Variants in CSGALNACT2 observed in about 807,000 individuals in gnomAD.
CSGALNACT2 encodes beta 4 GalNAcT-2.
In CSGALNACT2, 35 loss-of-function variants were observed where a neutral mutation model predicts 55.3. The ratio of observed to expected loss-of-function variants is 0.63; its 90% CI spans 0.48 to 0.84. The LOEUF is 0.84. Ranked by LOEUF, CSGALNACT2 falls within the 40% of genes least tolerant of loss-of-function variation. CSGALNACT2 has a pLI of 0.00. For synonymous variants in CSGALNACT2, 196 were observed against 224.9 expected (o/e 0.87, Z 1.15); for missense variants, 544 against 657.5 (o/e 0.83, Z 1.89).
At chr10:43,174,992 T>G (rs1839451232) in intron 6 of CSGALNACT2, among the ~76,000 whole-genome samples, 1 of 152,234 alleles carries the variant, frequency 6.6e-6, no homozygotes, top group Non-Finnish European at 1.5e-5. Flanking sequence ...TTATATTTCT[T>G]TCTCTACTTA....
intron 4 of CSGALNACT2, chr10:43,162,885 G>A: frequency 1.0e-6 from 1 of 985,326 alleles, no homozygotes; most frequent in Non-Finnish European, 1.2e-6. Context: ...CACTGCCCTA[G>A]CAGAAAAGTC....
intron 3 of CSGALNACT2, among the ~76,000 whole-genome samples, chr10:43,160,093 T>C (rs1839112482): frequency 6.6e-6 from 1 of 152,240 alleles, no homozygotes; most frequent in South Asian, 2.1e-4. Context: ...ATGGCAAATA[T>C]TTATTCCTTA....
chr10:43,143,493 A>ATGTG (rs3983257), intron 1 of CSGALNACT2, among the ~76,000 whole-genome samples: 9,963 of 141,848 alleles, frequency 0.07, 353 homozygotes, highest in East Asian at 0.1. Flanking sequence ...CTCTCCAAAA[A>ATGTG]TGTGTGTGTG....
intron 1 of CSGALNACT2, among the ~76,000 whole-genome samples, chr10:43,139,111 C>A (rs1276232469): frequency 1.3e-5 from 2 of 152,194 alleles, no homozygotes; most frequent in African/African-American, 4.8e-5. Flanking sequence ...TTTGATTATA[C>A]ATCTGAAGCT....
chr10:43,158,865 T>A lies in CSGALNACT2; in HGVS notation c.812T>A (p.Ile271Asn). The A allele has an allele frequency of 6.2e-7, 1 of 1,612,746 alleles. No homozygotes were observed. Among genetic ancestry groups the A allele is most frequent in the South Asian group, 1.1e-5 (1 of 91,066 alleles). Residue 271 changes from isoleucine to asparagine, a missense_variant, in exon 3 of 8, where the codon ATT becomes AAT. Around this residue, in one of 2 missense-constraint regions of CSGALNACT2, gnomAD observed 374 missense variants for 401.3 expected, o/e 0.93. Transcript: ENST00000374466. ...GAGATGATTGACATCACTAGATCAA[T>A]TATTAATATCATTGTGCCACTTGCT... ...KSEMIDITRS[I>N]INIIVPLAER...
At chr10:43,176,177 G>A (rs1588913706) in intron 7 of CSGALNACT2, 145 bp downstream of exon 7, 2 of 519,824 alleles carry the variant, frequency 3.8e-6, no homozygotes, top group Admixed American at 3.9e-5. Context: ...TATACAAAAG[G>A]CAAAATAAGT....
At chr10:43,155,841 T>C (rs764448693) in intron 2 of CSGALNACT2, 31 bp downstream of exon 2, 7 of 1,551,376 alleles carry the variant, frequency 4.5e-6, no homozygotes, top group Non-Finnish European at 6.2e-6. Context: ...GTCAATATTA[T>C]GTTAGTAAGA....
At chr10:43,166,388 G>C (rs2435337) in intron 5 of CSGALNACT2, among the ~76,000 whole-genome samples, 127,128 of 152,150 alleles carry the variant, frequency 0.84, 53,720 homozygotes, top group African/African-American at 0.93. Flanking sequence ...AGCAAGGGTT[G>C]CGTCTCCTGA....
intron 1 of CSGALNACT2, among the ~76,000 whole-genome samples, chr10:43,144,070 T>C (rs1400150654): frequency 1.3e-5 from 2 of 152,252 alleles, no homozygotes; most frequent in Non-Finnish European, 2.9e-5. Context: ...TGGCTTTGTT[T>C]TTGCTTTGTA....
At chr10:43,139,259 G>C (rs917051153) in intron 1 of CSGALNACT2, among the ~76,000 whole-genome samples, 1 of 152,176 alleles carries the variant, frequency 6.6e-6, no homozygotes, top group Middle Eastern at 3.2e-3. Context: ...AATTAATGTT[G>C]TTTTTTGAAT....
At chr10:43,182,874 CA>C (rs199991265) in intron 7 of CSGALNACT2, among the ~76,000 whole-genome samples, 6,485 of 64,752 alleles carry the variant, frequency 0.1, 173 homozygotes, top group South Asian at 0.18. Context: ...GACCCTGTCT[CA>C]AAAAAAAAAA....
At position 43,179,954 on chromosome 10, in the gene CSGALNACT2, T is replaced by G. The variant is rs530201919; in HGVS notation, c.1337-3296T>G. On this transcript the variant is annotated intron_variant, in intron 7 of 7. Coordinates refer to ENST00000374466, the MANE Select transcript of CSGALNACT2 (RefSeq NM_018590.5). ...CTTAGGGAAGAACTTTGGAGCACTT[T>G]GTTCTTATGGACTTCCTCTCCCCCG... is the stretch of plus-strand genomic sequence containing the variant. 2.0e-5 allele frequency among the ~76,000 whole-genome samples: 3 copies of G among 152,372 alleles called. No individual in the cohort carries two copies. In the South Asian group the frequency reaches 6.2e-4, roughly 32 times the overall value.
intron 1 of CSGALNACT2, among the ~76,000 whole-genome samples, chr10:43,138,797 T>G (rs1838554315): frequency 6.6e-6 from 1 of 152,158 alleles, no homozygotes; most frequent in Non-Finnish European, 1.5e-5. Flanking sequence ...GGGTTTTGTT[T>G]TGTTTCGTTT....
At chr10:43,167,286 A>G (rs1839287560) in intron 6 of CSGALNACT2, among the ~76,000 whole-genome samples, 188 bp downstream of exon 6, 1 of 152,214 alleles carries the variant, frequency 6.6e-6, no homozygotes, top group Admixed American at 6.5e-5. Context: ...TGCTTTTCAC[A>G]TTTATTGCTT....
rs189631298 is a variant in CSGALNACT2 at position 43,160,483 on chromosome 10, A to T, written c.879-11A>T. ...TTTCTTGAATAAACTTTTATTTTTC[A>T]CTTCTGTTAGGGATGTTTGTATTCA... On this transcript the variant is annotated splice_polypyrimidine_tract_variant and intron_variant, in intron 3 of 7. Coordinates refer to ENST00000374466, the MANE Select transcript of CSGALNACT2 (RefSeq NM_018590.5). 1.1e-4 allele frequency: 145 copies of T among 1,374,738 alleles called. No individual in the cohort carries two copies. Among genetic ancestry groups the T allele is most frequent in the Admixed American group, 2.8e-4 (14 of 49,726 alleles). 85.2% of individuals were successfully genotyped at this position (1,374,738 alleles called of 1,614,324 possible). A position where few individuals can be genotyped will look rare whatever the true frequency, so the allele number is the denominator to read the frequency against.
At chr10:43,172,925 G>A (rs977986633) in intron 6 of CSGALNACT2, among the ~76,000 whole-genome samples, 28 of 152,204 alleles carry the variant, frequency 1.8e-4, no homozygotes, top group Admixed American at 6.5e-4. Context: ...GTTTCAGGCA[G>A]AAAGAACAGC....
At chr10:43,167,309 T>C (rs190422385) in intron 6 of CSGALNACT2, among the ~76,000 whole-genome samples, 3 of 151,836 alleles carry the variant, frequency 2.0e-5, no homozygotes, top group Non-Finnish European at 2.9e-5. Context: ...GAATTAAGTG[T>C]AGGGGGAGCA....
chr10:43,141,860 A>G (rs1838634118), intron 1 of CSGALNACT2, among the ~76,000 whole-genome samples: 1 of 152,156 alleles, frequency 6.6e-6, no homozygotes, highest in African/African-American at 2.4e-5. Flanking sequence ...ACTGGCAAAT[A>G]TAGATCAACC....
chr10:43,166,057 T>C (rs1447598132), intron 5 of CSGALNACT2, among the ~76,000 whole-genome samples: 2 of 152,208 alleles, frequency 1.3e-5, no homozygotes, highest in Admixed American at 6.5e-5. Context: ...ATGATTGCCT[T>C]CTTATTAATT....
Sources: gnomAD v4.1 joint callset for allele counts (sites outside exome capture counted in the v4.1 genomes callset) on GRCh38, gnomAD v4.1.1 for gene constraint, gnomAD v4.1.1 regional missense constraint, MANE v1.5 for transcripts, NCBI Gene and HGNC (gene_info 2026-07-23, HGNC 2026-07-21) for gene names.